CFAP20DC: variants seen among roughly 807,000 people sequenced by gnomAD.
CFAP20DC encodes protein CFAP20DC.
In CFAP20DC, 84 loss-of-function variants were observed where a neutral mutation model predicts 101.7. That is an observed-to-expected ratio of 0.83 (90% CI 0.69 to 0.99). The LOEUF (loss-of-function observed/expected upper bound fraction) is 0.99, where lower values mean the gene tolerates loss of function less well. CFAP20DC is among the 50% of genes least tolerant of loss of function. The pLI, the probability that CFAP20DC is intolerant of heterozygous loss-of-function variation, is 0.00. For missense variants in CFAP20DC, 1,007 were observed against 970.3 expected, an observed-to-expected ratio of 1.04 and a Z score of -0.50; for synonymous variants, 359 against 351.2, an observed-to-expected ratio of 1.02 and a Z score of -0.25.
intron 4 of CFAP20DC, among the ~76,000 whole-genome samples, chr3:59,030,273 A>C (rs2093965419): frequency 6.6e-6 from 1 of 152,206 alleles, no homozygotes; most frequent in Non-Finnish European, 1.5e-5. Context: ...CCTTTCATTT[A>C]AGGGGGAAAA....
At chr3:59,024,774 T>C (rs908655818) in intron 4 of CFAP20DC, among the ~76,000 whole-genome samples, 3 of 152,008 alleles carry the variant, frequency 2.0e-5, no homozygotes, top group Admixed American at 6.6e-5. Context: ...TTGCTAACAA[T>C]AAATTTAATT....
At chr3:58,884,328 TACTC>T (rs1055416672) in intron 7 of CFAP20DC, among the ~76,000 whole-genome samples, 1 of 152,250 alleles carries the variant, frequency 6.6e-6, no homozygotes, top group African/African-American at 2.4e-5. Flanking sequence ...ATGTGTCAAA[TACTC>T]AGGCAACCGG....
Position 58,805,626 on chromosome 3 carries a change from T to C in CFAP20DC, c.2237+769A>G, listed in dbSNP as rs556307806. On this transcript the variant is annotated intron_variant, in intron 15 of 16. Coordinates refer to ENST00000482387, the MANE Select transcript of CFAP20DC (RefSeq NM_001394063.1). ...GAGGTGCATCACAGTAACTAAGACT[T>C]TGTAGGTAGGCTCACGATATATGGA... Among the ~76,000 whole-genome samples the C allele has an allele frequency of 6.8e-4, 104 of 152,276 alleles. No individual in the cohort carries two copies. The Middle Eastern group carries it at 0.01, about 15-fold the overall frequency.
At chr3:58,837,311 A>C (rs753371827) in intron 13 of CFAP20DC, among the ~76,000 whole-genome samples, 12 of 152,294 alleles carry the variant, frequency 7.9e-5, no homozygotes, top group Middle Eastern at 3.4e-3. Context: ...TACATAAAGG[A>C]TGATATAATC....
Position 58,870,154 on chromosome 3 carries a change from C to T in CFAP20DC, c.852+19G>A, listed in dbSNP as rs2080029759. The T allele has an allele frequency of 6.6e-7, 1 of 1,525,296 alleles. No homozygotes were observed. Among genetic ancestry groups the T allele is most frequent in the South Asian group, 1.1e-5 (1 of 90,090 alleles). 94.5% of individuals were successfully genotyped at this position (1,525,296 alleles called of 1,614,324 possible). A position where few individuals can be genotyped will look rare whatever the true frequency, so the allele number is the denominator to read the frequency against. On this transcript the variant is annotated intron_variant, in intron 8 of 16. Transcript: ENST00000482387. ...CAGGTCACTTGTGCTTAGATAAGCT[C>T]TCCAAACCTTGCTCCTACCTCGCTG... is the stretch of plus-strand genomic sequence containing the variant.
chr3:58,911,192 C>T (rs1316203208), intron 6 of CFAP20DC, among the ~76,000 whole-genome samples: 1 of 152,080 alleles, frequency 6.6e-6, no homozygotes, highest in African/African-American at 2.4e-5. Context: ...AAGAAGAATG[C>T]TTCTAGCACC....
At chr3:58,853,619 C>G (rs1251364859) in intron 12 of CFAP20DC, among the ~76,000 whole-genome samples, 1 of 151,992 alleles carries the variant, frequency 6.6e-6, no homozygotes, top group Non-Finnish European at 1.5e-5. Flanking sequence ...AGCAGCACAT[C>G]AAAATGCTTA....
intron 14 of CFAP20DC, among the ~76,000 whole-genome samples, chr3:58,808,407 A>C (rs1267861504): frequency 6.6e-6 from 1 of 152,250 alleles, no homozygotes; most frequent in Non-Finnish European, 1.5e-5. Flanking sequence ...GGGGACCAAT[A>C]TTCAACATTC....
At chr3:58,991,000 A>G (rs950835145) in intron 4 of CFAP20DC, among the ~76,000 whole-genome samples, 26 of 152,164 alleles carry the variant, frequency 1.7e-4, no homozygotes, top group Non-Finnish European at 5.9e-5. Flanking sequence ...TTGATAACTG[A>G]AAATATTCTC....
chr3:58,864,576 T>A lies in CFAP20DC; in HGVS notation c.1259-684A>T, dbSNP rs150964672. Reference sequence around the variant, plus strand: ...AATTTAAAAGGGGTTGAGTTACTAATATCTCCTTTTAACTGCAGGAGGACA... The same window carrying A: ...AATTTAAAAGGGGTTGAGTTACTAAAATCTCCTTTTAACTGCAGGAGGACA... On this transcript the variant is annotated intron_variant, in intron 11 of 16. Transcript: ENST00000482387. The surrounding 1 kb of genome is among the most constrained non-coding windows in gnomAD (Gnocchi z 4.7). Among the ~76,000 whole-genome samples the A allele has an allele frequency of 4.6e-5, 7 of 152,328 alleles. No homozygotes were observed. The highest frequency in any genetic ancestry group is 7.3e-5 in the Non-Finnish European group (5 of 68,030).
intron 5 of CFAP20DC, among the ~76,000 whole-genome samples, chr3:58,937,369 A>G (rs1470205140): frequency 1.3e-5 from 2 of 152,130 alleles, no homozygotes; most frequent in Non-Finnish European, 2.9e-5. Flanking sequence ...CCCCATCCCC[A>G]GTCAGATGGA....
chr3:58,997,413 C>T (rs1576643788), intron 4 of CFAP20DC, among the ~76,000 whole-genome samples: 1 of 152,320 alleles, frequency 6.6e-6, no homozygotes, highest in Admixed American at 6.5e-5. Context: ...TCTGAATCCT[C>T]ATGACAATTC....
At chr3:58,726,108 G>A (rs1258459661) in intron 3 of CFAP20DC, 1 of 152,358 alleles carries the variant, frequency 6.6e-6, no homozygotes, top group African/African-American at 2.4e-5. Context: ...CTGCCTGTTA[G>A]AGGAGGCCTA....
chr3:58,827,089 G>A (rs2076090659), intron 14 of CFAP20DC, among the ~76,000 whole-genome samples: 1 of 152,084 alleles, frequency 6.6e-6, no homozygotes, highest in African/African-American at 2.4e-5. Context: ...ACAACACCAA[G>A]AGTGAACCCT....
Position 58,971,781 on chromosome 3 carries a change from C to T in CFAP20DC, c.279-34019G>A, listed in dbSNP as rs1036407669. ...GGTAACAGAGAAAGCCCCACTGTCA[C>T]TACCAAACCAAATGCCAAAAAGTGT... is the stretch of plus-strand genomic sequence containing the variant. On this transcript the variant is annotated intron_variant, in intron 4 of 16. Transcript: ENST00000482387. The surrounding 1 kb of genome is among the most constrained non-coding windows in gnomAD (Gnocchi z 4.1). 6.6e-6 allele frequency among the ~76,000 whole-genome samples: 1 copy of T among 151,978 alleles called. No homozygotes were observed. The highest frequency in any genetic ancestry group is 2.4e-5 in the African/African-American group (1 of 41,396).
intron 7 of CFAP20DC, among the ~76,000 whole-genome samples, chr3:58,879,721 T>C (rs904907540): frequency 6.6e-6 from 1 of 152,116 alleles, no homozygotes; most frequent in Non-Finnish European, 1.5e-5. Context: ...CTGAGTGATG[T>C]GACAGAAAGA....
chr3:58,834,805 A>G (rs1038287272), intron 13 of CFAP20DC, among the ~76,000 whole-genome samples: 1 of 152,150 alleles, frequency 6.6e-6, no homozygotes, highest in Non-Finnish European at 1.5e-5. Flanking sequence ...TTGTACCTTT[A>G]ATGGAAAATT....
chr3:58,862,079 A>G (rs751114237), intron 12 of CFAP20DC: 8 of 967,258 alleles, frequency 8.3e-6, no homozygotes, highest in Non-Finnish European at 7.4e-6. Flanking sequence ...GGAAGAGGTA[A>G]GTTCTTCATG....
intron 16 of CFAP20DC, among the ~76,000 whole-genome samples, chr3:58,750,810 CAT>C (rs2068512860): frequency 6.6e-6 from 1 of 152,140 alleles, no homozygotes; most frequent in Non-Finnish European, 1.5e-5. Context: ...ATGAGGAATC[CAT>C]ATGAGATTTC....
Sources: allele counts gnomAD v4.1 joint callset (sites outside exome capture counted in the v4.1 genomes callset), GRCh38; gene constraint gnomAD v4.1.1; non-coding constraint Gnocchi (gnomAD v3.1); transcripts MANE v1.5; gene names NCBI Gene and HGNC (gene_info 2026-07-23, HGNC 2026-07-21).